The following NKAIN2 variants were observed in gnomAD, a reference collection of about 807,000 sequenced individuals.
NKAIN2 encodes the protein sodium/potassium-transporting ATPase subunit beta-1-interacting protein 2.
NKAIN2 carries 14 observed loss-of-function variants against 32.6 expected under a neutral mutation model. That is an observed-to-expected ratio of 0.43 (90% CI 0.28 to 0.67). The LOEUF (loss-of-function observed/expected upper bound fraction) is 0.67. Ranked by LOEUF, NKAIN2 falls within the 30% of genes least tolerant of loss-of-function variation. The probability of loss-of-function intolerance (pLI) is 0.17; values close to 1 mark genes in which losing one functional copy is unlikely to be tolerated. For missense variants in NKAIN2, 198 were observed against 258.3 expected (o/e 0.77, Z 1.60); for synonymous variants, 80 against 87.2 (o/e 0.92, Z 0.46).
chr6:124,248,909 A>G (rs991402636), intron 1 of NKAIN2, among the ~76,000 whole-genome samples: 2 of 152,148 alleles, frequency 1.3e-5, no homozygotes, highest in Non-Finnish European at 1.5e-5. Flanking sequence ...TAGACATTAT[A>G]TAACCTCAAA....
intron 5 of NKAIN2, among the ~76,000 whole-genome samples, chr6:124,793,655 G>T (rs1339220438): frequency 5.5e-5 from 8 of 145,408 alleles, no homozygotes; most frequent in South Asian, 2.2e-4. Context: ...TCTCAGAAAT[G>T]CTAGTTCCAC....
intron 1 of NKAIN2, among the ~76,000 whole-genome samples, chr6:123,828,296 A>C (rs925338096): frequency 6.6e-6 from 1 of 152,130 alleles, no homozygotes; most frequent in Non-Finnish European, 1.5e-5. Flanking sequence ...ACATTTTTGG[A>C]ATTACTGGTT....
intron 1 of NKAIN2, among the ~76,000 whole-genome samples, chr6:123,945,005 G>A (rs777174889): frequency 6.6e-6 from 1 of 152,002 alleles, no homozygotes; most frequent in Non-Finnish European, 1.5e-5. Flanking sequence ...GAAACTTGCA[G>A]ATATAGGAAT....
intron 4 of NKAIN2, among the ~76,000 whole-genome samples, chr6:124,733,130 A>C (rs1776768916): frequency 6.6e-6 from 1 of 151,678 alleles, no homozygotes; most frequent in Non-Finnish European, 1.5e-5. Context: ...GCGACAGTAA[A>C]ATATCAGTGG....
chr6:124,604,268 T>G (rs1445766932), intron 3 of NKAIN2, among the ~76,000 whole-genome samples: 1 of 151,946 alleles, frequency 6.6e-6, no homozygotes, highest in African/African-American at 2.4e-5. Flanking sequence ...ACCCACTGAT[T>G]TAAATTAAAT....
intron 4 of NKAIN2, among the ~76,000 whole-genome samples, chr6:124,721,944 T>C (rs1776040909): frequency 6.6e-6 from 1 of 152,236 alleles, no homozygotes; most frequent in African/African-American, 2.4e-5. Context: ...TCTGTAAAAC[T>C]GAAATTCTAT....
At chr6:124,072,599 T>C (rs1040214039) in intron 1 of NKAIN2, among the ~76,000 whole-genome samples, 1 of 152,206 alleles carries the variant, frequency 6.6e-6, no homozygotes, top group Admixed American at 6.5e-5. Flanking sequence ...TTCCTCCATC[T>C]GCCCCTTATG....
chr6:124,258,701 A>C (rs1279767197), intron 1 of NKAIN2, among the ~76,000 whole-genome samples: 7 of 152,224 alleles, frequency 4.6e-5, no homozygotes, highest in African/African-American at 1.7e-4. Context: ...TCATTCAAAG[A>C]GGAAATTAAA....
intron 1 of NKAIN2, among the ~76,000 whole-genome samples, chr6:123,876,336 T>G (rs1044385381): frequency 3.3e-5 from 5 of 152,224 alleles, no homozygotes; most frequent in African/African-American, 1.2e-4. Context: ...TTCAGCTATT[T>G]AGATTATAAG....
At chr6:124,639,596 T>C (rs1315012990) in intron 3 of NKAIN2, among the ~76,000 whole-genome samples, 1 of 152,010 alleles carries the variant, frequency 6.6e-6, no homozygotes, top group Non-Finnish European at 1.5e-5. Context: ...ATCACGGCAC[T>C]GCATTCCAGC....
intron 4 of NKAIN2, among the ~76,000 whole-genome samples, chr6:124,742,075 T>A (rs1446876825): frequency 6.6e-6 from 1 of 151,850 alleles, no homozygotes; most frequent in Non-Finnish European, 1.5e-5. Context: ...TAGCCACCCA[T>A]AACATGCAGC....
intron 1 of NKAIN2, among the ~76,000 whole-genome samples, chr6:124,110,951 A>G (rs777462143): frequency 3.9e-5 from 6 of 152,118 alleles, no homozygotes; most frequent in Non-Finnish European, 8.8e-5. Flanking sequence ...AATATTTGGT[A>G]GAATTTAGTA....
intron 1 of NKAIN2, among the ~76,000 whole-genome samples, chr6:124,169,456 T>G (rs1238759177): frequency 6.6e-6 from 1 of 152,188 alleles, no homozygotes; most frequent in Non-Finnish European, 1.5e-5. Context: ...TGATCTAGAA[T>G]TGCTACATTT....
In NKAIN2 at chr6:124,272,365, C is replaced by T. The variant is rs141953899; in HGVS notation, c.55-10640C>T. ...TCCAGCCATGGCTAAAAGGGACCAACGTACAGCTCAGGCCTTTGCTTCAGA... is the reference window on the plus strand; with the variant it reads ...TCCAGCCATGGCTAAAAGGGACCAATGTACAGCTCAGGCCTTTGCTTCAGA... On this transcript the variant is annotated intron_variant, in intron 1 of 6. Transcript: ENST00000368417. Among the ~76,000 whole-genome samples the T allele has an allele frequency of 4.6e-5, 7 of 152,280 alleles. No individual in the cohort carries two copies. In the East Asian group the frequency reaches 5.8e-4, roughly 13 times the overall value.
intron 3 of NKAIN2, among the ~76,000 whole-genome samples, chr6:124,584,376 G>C (rs2114946776): frequency 6.6e-6 from 1 of 152,276 alleles, no homozygotes; most frequent in East Asian, 1.9e-4. Flanking sequence ...ATAAGGCCAG[G>C]CATGGTGGCT....
chr6:124,760,568 G>A (rs1465143834), intron 4 of NKAIN2, among the ~76,000 whole-genome samples: 1 of 151,812 alleles, frequency 6.6e-6, no homozygotes, highest in Non-Finnish European at 1.5e-5. Flanking sequence ...GTGTAGATAA[G>A]TCTATTAATC....
At chr6:124,153,671 G>A (rs1787843105) in intron 1 of NKAIN2, among the ~76,000 whole-genome samples, 1 of 151,300 alleles carries the variant, frequency 6.6e-6, no homozygotes, top group South Asian at 2.1e-4. Context: ...TTTGTTTCTA[G>A]AATATGAATA....
chr6:124,497,438 C>T (rs539564162), intron 3 of NKAIN2, among the ~76,000 whole-genome samples: 10 of 152,106 alleles, frequency 6.6e-5, no homozygotes, highest in East Asian at 1.9e-4. Flanking sequence ...CTTTTCACAG[C>T]GAAGAAGGGG....
intron 1 of NKAIN2, among the ~76,000 whole-genome samples, chr6:123,976,102 A>G (rs1407916517): frequency 6.6e-6 from 1 of 151,140 alleles, no homozygotes; most frequent in South Asian, 2.1e-4. Flanking sequence ...GCCTTCTACC[A>G]TGATTGTGAG....
Sources: allele counts gnomAD v4.1 joint callset (sites outside exome capture counted in the v4.1 genomes callset), GRCh38; gene constraint gnomAD v4.1.1; transcripts MANE v1.5; gene names NCBI Gene and HGNC (gene_info 2026-07-23, HGNC 2026-07-21).